GPC6: variants seen among roughly 807,000 people sequenced by gnomAD.
GPC6 encodes glypican 6.
Under a neutral mutation model 55.2 loss-of-function variants are expected in GPC6, and 14 were observed. The ratio of observed to expected loss-of-function variants is 0.25; its 90% confidence interval spans 0.17 to 0.40. The LOEUF is 0.40. Ranked by LOEUF, GPC6 falls within the 10% of genes least tolerant of loss-of-function variation. GPC6 has a pLI of 1.00. For missense variants in GPC6, 641 were observed against 708.5 expected (o/e 0.90, Z 1.08); for synonymous variants, 278 against 259.6 (o/e 1.07, Z -0.68).
intron 4 of GPC6, among the ~76,000 whole-genome samples, chr13:94,154,691 CA>C (rs1278527808): frequency 6.6e-6 from 1 of 151,688 alleles, no homozygotes; most frequent in African/African-American, 2.4e-5. Context: ...TTTCACAACC[CA>C]AAAAAAAGGG....
intron 4 of GPC6, among the ~76,000 whole-genome samples, chr13:94,168,643 C>T (rs1325296348): frequency 6.7e-6 from 1 of 148,500 alleles, no homozygotes; most frequent in African/African-American, 2.5e-5. Flanking sequence ...ATTTTATCTA[C>T]ATATTTATTT....
chr13:93,388,735 A>T (rs1875501425), intron 1 of GPC6, among the ~76,000 whole-genome samples: 1 of 152,116 alleles, frequency 6.6e-6, no homozygotes, highest in Admixed American at 6.5e-5. Flanking sequence ...CATTGCTCTT[A>T]TCAAAACCTG....
chr13:94,081,857 T>C (rs1304822892), intron 4 of GPC6, among the ~76,000 whole-genome samples: 1 of 151,190 alleles, frequency 6.6e-6, no homozygotes, highest in African/African-American at 2.4e-5. Context: ...TTTTTTTTTT[T>C]TGAGACACAG....
intron 3 of GPC6, among the ~76,000 whole-genome samples, chr13:93,846,307 C>T (rs1301395668): frequency 6.6e-6 from 1 of 152,136 alleles, no homozygotes; most frequent in Admixed American, 6.6e-5. Flanking sequence ...CCATTTAGCC[C>T]TTACATTAAA....
chr13:93,985,940 G>A (rs929246665), intron 3 of GPC6, among the ~76,000 whole-genome samples: 1 of 151,930 alleles, frequency 6.6e-6, no homozygotes, highest in Admixed American at 6.6e-5. Context: ...AGTTACTGTT[G>A]TTTCTTTTTC....
At chr13:94,227,593 G>T (rs929492046) in intron 4 of GPC6, among the ~76,000 whole-genome samples, 1 of 152,134 alleles carries the variant, frequency 6.6e-6, no homozygotes, top group Non-Finnish European at 1.5e-5. Flanking sequence ...TATAGAGTTT[G>T]TGTTCCCCAC....
chr13:93,628,696 C>T (rs189732995), intron 2 of GPC6, among the ~76,000 whole-genome samples: 1 of 152,052 alleles, frequency 6.6e-6, no homozygotes, highest in African/African-American at 2.4e-5. Flanking sequence ...TGTCTCCATG[C>T]CTTCCCCAGG....
Position 94,398,480 on chromosome 13 carries a change from T to G in GPC6, c.1304T>G (p.Ile435Ser), listed in dbSNP as rs1406782684. 2 of 1,613,162 alleles carry G rather than the reference T, an allele frequency of 1.2e-6. No individual in the cohort carries two copies. Among genetic ancestry groups the G allele is most frequent in the African/African-American group, 2.7e-5 (2 of 74,892 alleles). ...GHSKARYLPE[I>S]MNDGLTNQIN... ...CTGCCTTGCAGATACTTGCCTGAGA[T>G]CATGAATGATGGGCTCACCAACCAG... Residue 435 changes from isoleucine (I) to serine (S), a missense_variant, in exon 8 of 9, where the codon ATC becomes AGC. By Grantham distance (142) the Ile-to-Ser change is moderately radical. Transcript: ENST00000377047.
Position 93,727,492 on chromosome 13 carries a change from C to T in GPC6, c.320-102662C>T, listed in dbSNP as rs1594405539. ...TGGTCTCCCAGCTTACACTCTTGCC[C>T]TTCCCCGTGGTTTATGTTTTATAAA... On this transcript the variant is annotated intron_variant, in intron 2 of 8. Transcript: ENST00000377047. Among the ~76,000 whole-genome samples, 4 of 143,896 alleles carry T rather than the reference C, an allele frequency of 2.8e-5. No homozygotes were observed. The South Asian group carries it at 8.5e-4, about 30-fold the overall frequency. 94.4% of individuals were successfully genotyped at this position (143,896 alleles called of 152,430 possible).
chr13:94,304,856 G>A (rs539196675), intron 5 of GPC6, among the ~76,000 whole-genome samples: 1 of 152,266 alleles, frequency 6.6e-6, no homozygotes, highest in African/African-American at 2.4e-5. Flanking sequence ...ATTAGAGGAA[G>A]CTGTTATTAT....
chr13:94,349,115 C>G (rs1424107329), intron 6 of GPC6, among the ~76,000 whole-genome samples: 1 of 152,216 alleles, frequency 6.6e-6, no homozygotes, highest in Non-Finnish European at 1.5e-5. Flanking sequence ...CAGTCACCTA[C>G]AACTTAAAAG....
At chr13:93,265,344 C>T (rs1476422153) in intron 1 of GPC6, among the ~76,000 whole-genome samples, 2 of 152,134 alleles carry the variant, frequency 1.3e-5, no homozygotes, top group African/African-American at 4.8e-5. Flanking sequence ...AACTGAAAAT[C>T]GGAGATCCAA....
rs73541525 is a variant in GPC6, at chr13:93,563,606, G to A, written c.319+18185G>A. On this transcript the variant is annotated intron_variant, in intron 2 of 8. Coordinates refer to ENST00000377047, the MANE Select transcript of GPC6 (RefSeq NM_005708.5). ...ATGAGATCTCAGACACAATAAACGA[G>A]ACAGGACCAACTGGAACTGGCACTT... Among the ~76,000 whole-genome samples, 1,088 of 152,156 alleles carry A rather than the reference G, an allele frequency of 7.2e-3. 17 individuals are homozygous for A. The highest frequency in any genetic ancestry group is 0.025 in the African/African-American group (1,027 of 41,524).
chr13:93,330,858 T>C (rs1879819392), intron 1 of GPC6, among the ~76,000 whole-genome samples: 1 of 152,222 alleles, frequency 6.6e-6, no homozygotes, highest in Non-Finnish European at 1.5e-5. Flanking sequence ...ATGATTGACA[T>C]GCAAATAAAA....
At chr13:93,702,539 C>T (rs1334211095) in intron 2 of GPC6, among the ~76,000 whole-genome samples, 1 of 151,972 alleles carries the variant, frequency 6.6e-6, no homozygotes, top group Non-Finnish European at 1.5e-5. Context: ...TCTTTGAAGC[C>T]AGGCATTGAT....
intron 1 of GPC6, among the ~76,000 whole-genome samples, chr13:93,324,587 C>CATACATATAT (rs372726538): frequency 3.3e-5 from 4 of 122,888 alleles, no homozygotes; most frequent in African/African-American, 1.1e-4. Context: ...CACATACATA[C>CATACATATAT]ATATATATAT....
chr13:93,406,178 A>C (rs866554023), intron 1 of GPC6, among the ~76,000 whole-genome samples: 5 of 152,216 alleles, frequency 3.3e-5, no homozygotes, highest in Non-Finnish European at 5.9e-5. Context: ...ATTTGTGGCC[A>C]TGCTTAATGT....
intron 1 of GPC6, among the ~76,000 whole-genome samples, chr13:93,542,511 C>T (rs532613389): frequency 7.9e-5 from 12 of 152,168 alleles, no homozygotes; most frequent in African/African-American, 2.4e-4. Flanking sequence ...ATGCGGGCTC[C>T]TTTTTGGTTC....
chr13:93,719,177 T>C lies in GPC6; in HGVS notation c.320-110977T>C, dbSNP rs574780108. Among the ~76,000 whole-genome samples, 52 of 152,216 alleles carry C rather than the reference T, an allele frequency of 3.4e-4. No homozygotes were observed. In the South Asian group the frequency reaches 8.3e-3, roughly 24 times the overall value. On this transcript the variant is annotated intron_variant, in intron 2 of 8. Coordinates refer to ENST00000377047, the MANE Select transcript of GPC6 (RefSeq NM_005708.5). ...TGAATCTATAAATTACTTTGGGCAG[T>C]ATGGCCATTTTTCACGATTGATTCT...
Sources: gnomAD v4.1 joint callset for allele counts (sites outside exome capture counted in the v4.1 genomes callset) on GRCh38, gnomAD v4.1.1 for gene constraint, MANE v1.5 for transcripts, NCBI Gene and HGNC (gene_info 2026-07-23, HGNC 2026-07-21) for gene names.